Variants in IL17RD observed in about 807,000 individuals in gnomAD.
IL17RD encodes interleukin 17 receptor D.
IL17RD carries 52 observed loss-of-function variants against 80.5 expected under a neutral mutation model. The ratio of observed to expected loss-of-function variants is 0.65; its 90% CI spans 0.52 to 0.81. IL17RD has a LOEUF of 0.81. Among genes scored for constraint, IL17RD ranks in the 40% least tolerant of loss-of-function variants. The probability of loss-of-function intolerance (pLI) is 0.00; values close to 1 mark genes in which losing one functional copy is unlikely to be tolerated. For synonymous variants in IL17RD, 416 were observed against 391.8 expected (o/e 1.06, Z -0.73); for missense variants, 1,024 against 955.1 (o/e 1.07, Z -0.95).
chr3:57,114,197 A>AC, intron 3 of IL17RD, among the ~76,000 whole-genome samples: 1 of 152,164 alleles, frequency 6.6e-6, no homozygotes, highest in African/African-American at 2.4e-5. Flanking sequence ...AAAAAAAAAA[A>AC]AATTCAATTT....
chr3:57,142,050 A>G (rs1393199046), intron 1 of IL17RD, among the ~76,000 whole-genome samples: 1 of 152,196 alleles, frequency 6.6e-6, no homozygotes, highest in Non-Finnish European at 1.5e-5. Flanking sequence ...AAAGGGACAC[A>G]CGGAGCCTTC....
At chr3:57,167,345 A>C (rs2060352939), upstream of IL17RD, among the ~76,000 whole-genome samples, 1 of 152,114 alleles carries the variant, frequency 6.6e-6, no homozygotes, top group African/African-American at 2.4e-5. Flanking sequence ...CTCAGGAAGC[A>C]CATCACTCCT....
intron 7 of IL17RD, among the ~76,000 whole-genome samples, chr3:57,105,573 G>C (rs376094614): frequency 9.4e-6 from 1 of 105,874 alleles, no homozygotes; most frequent in Non-Finnish European, 1.9e-5. Flanking sequence ...ATATATATTT[G>C]TTCATACATA....
chr3:57,105,552 A>AAAAAAAAAAAAAAATATATATATATATAT, intron 7 of IL17RD, among the ~76,000 whole-genome samples: 5 of 63,586 alleles, frequency 7.9e-5, no homozygotes, highest in Non-Finnish European at 1.4e-4. Context: ...AAAAAAAAAA[A>AAAAAAAAAAAAAAATATATATATATATAT]ATATATATAT....
intron 1 of IL17RD, among the ~76,000 whole-genome samples, chr3:57,126,516 A>G (rs1707462270): frequency 6.6e-6 from 1 of 152,240 alleles, no homozygotes; most frequent in African/African-American, 2.4e-5. Flanking sequence ...GCGGAGCAGG[A>G]TCCACAGGCA....
At chr3:57,100,328 A>T (rs1400203334) in intron 11 of IL17RD, among the ~76,000 whole-genome samples, 1 of 152,248 alleles carries the variant, frequency 6.6e-6, no homozygotes, top group African/African-American at 2.4e-5. Context: ...TCTGAAAAAC[A>T]TGCCAATGGG....
intron 9 of IL17RD, 64 bp downstream of exon 9, chr3:57,103,027 G>A (rs893361052): frequency 4.4e-6 from 5 of 1,128,928 alleles, no homozygotes; most frequent in Non-Finnish European, 6.5e-6. Context: ...ATGAAGTACA[G>A]AGAGTATCAC....
intron 1 of IL17RD, 62 bp downstream of exon 1, chr3:57,165,099 C>G: frequency 2.1e-6 from 3 of 1,444,852 alleles, no homozygotes; most frequent in Non-Finnish European, 2.7e-6. Flanking sequence ...CCCGCGAGCA[C>G]CTGTGCGCGC....
Position 57,148,240 on chromosome 3 carries a change from G to A in IL17RD, c.126+16921C>T, listed in dbSNP as rs145144891. ...CTCAGGAGGCTGAGGCAGGAGAATC[G>A]CTTGAACCCAGAAGGCAGAGGTTGC... On this transcript the variant is annotated intron_variant, in intron 1 of 12. Transcript: ENST00000296318. Among the ~76,000 whole-genome samples the A allele has an allele frequency of 8.3e-3, 1,256 of 151,098 alleles. 15 individuals are homozygous for A. Among genetic ancestry groups the A allele is most frequent in the African/African-American group, 0.028 (1,144 of 41,034 alleles).
chr3:57,167,284 A>G (rs944133755), upstream of IL17RD, among the ~76,000 whole-genome samples: 11 of 152,192 alleles, frequency 7.2e-5, no homozygotes, highest in East Asian at 2.1e-3. Flanking sequence ...AGACACCAGA[A>G]TAGCTAGGAT....
At position 57,091,533 on chromosome 3, in the gene IL17RD, T is replaced by G. The variant is rs1263893275; in HGVS notation, c.*4860A>C. On this transcript the variant is annotated 3_prime_UTR_variant, in exon 13 of 13. Coordinates refer to ENST00000296318, the MANE Select transcript of IL17RD (RefSeq NM_017563.5). ...ACATTGTTTGGGCAACTAAACTAAG[T>G]GTGAAGCTGAGAAACATTACAGCAG... is the stretch of plus-strand genomic sequence containing the variant. The G allele has an allele frequency of 6.6e-6, 1 of 152,584 alleles. No homozygotes were observed. The highest frequency in any genetic ancestry group is 1.5e-5 in the Non-Finnish European group (1 of 68,040). 9.5% of individuals were successfully genotyped at this position (152,584 alleles called of 1,614,324 possible). A position where few individuals can be genotyped will look rare whatever the true frequency, so the allele number is the denominator to read the frequency against.
intron 1 of IL17RD, among the ~76,000 whole-genome samples, chr3:57,123,528 T>C (rs1707384633): frequency 6.6e-6 from 1 of 152,210 alleles, no homozygotes; most frequent in Non-Finnish European, 1.5e-5. Flanking sequence ...CATCACACTG[T>C]GTGTTCCTGA....
At chr3:57,134,000 A>C (rs1205762108) in intron 1 of IL17RD, 1 of 294,946 alleles carries the variant, frequency 3.4e-6, no homozygotes, top group Non-Finnish European at 6.4e-6. Context: ...TGAAGTTAGC[A>C]TGAAACAGAA....
At chr3:57,131,500 G>C (rs1020119677) in intron 1 of IL17RD, among the ~76,000 whole-genome samples, 16 of 152,214 alleles carry the variant, frequency 1.1e-4, no homozygotes, top group Admixed American at 7.9e-4. Context: ...GAAGTACAAA[G>C]TTTGGCCTCA....
At chr3:57,100,120 T>C (rs1706792150) in intron 11 of IL17RD, among the ~76,000 whole-genome samples, 1 of 152,240 alleles carries the variant, frequency 6.6e-6, no homozygotes, top group Non-Finnish European at 1.5e-5. Context: ...AAGAGCGTTT[T>C]CCCCAGAGGC....
rs1553628627 is a variant in IL17RD, at chr3:57,154,283, T to TACACACACACACACAC, written c.126+10862_126+10877dup. Among the ~76,000 whole-genome samples, 11 of 112,904 alleles carry TACACACACACACACAC rather than the reference T, an allele frequency of 9.7e-5. No individual in the cohort carries two copies. The South Asian group carries it at 1.0e-3, about 11-fold the overall frequency. The allele number at this position is 112,904 out of a possible 152,430, so 74.1% of individuals were successfully genotyped here. A position where few individuals can be genotyped will look rare whatever the true frequency, so the allele number is the denominator to read the frequency against. Reference sequence around the variant, plus strand: ...AATTATATATATATATATATATATATACACACACACACACACACATACATA... The same window carrying TACACACACACACACAC: ...AATTATATATATATATATATATATATACACACACACACACACACACACACACACACACACATACATA... On this transcript the variant is annotated intron_variant, in intron 1 of 12. Transcript: ENST00000296318.
At chr3:57,116,282 C>CT (rs66563028) in intron 2 of IL17RD, among the ~76,000 whole-genome samples, 1,449 of 102,514 alleles carry the variant, frequency 0.014, 29 homozygotes, top group African/African-American at 0.048. Flanking sequence ...TTTTTCTTTT[C>CT]TTTTTTTTTT....
rs184284301 is a variant in IL17RD at position 57,105,996 on chromosome 3, C to T, written c.608G>A (p.Arg203Gln). The part of the protein sequence containing the change: ...NLACKPFWKP[R>Q]NLNISQHGSD... Reference sequence around the variant, plus strand: ...GCCATGCTGGCTGATGTTCAGGTTCCGAGGCTTCCAGACTGGAAGAAGGTA... The same window carrying T: ...GCCATGCTGGCTGATGTTCAGGTTCTGAGGCTTCCAGACTGGAAGAAGGTA... Residue 203 changes from arginine (R) to glutamine (Q), a missense_variant, in exon 7 of 13, where the codon CGG (arginine) becomes CAG (glutamine). Arg to Gln is a conservative substitution (Grantham distance 43). Coordinates refer to ENST00000296318, the MANE Select transcript of IL17RD (RefSeq NM_017563.5). 82 of 1,613,784 alleles carry T rather than the reference C, an allele frequency of 5.1e-5. No homozygotes were observed. Among genetic ancestry groups the T allele is most frequent in the Admixed American group, 6.7e-5 (4 of 59,994 alleles).
chr3:57,165,156 CT>C lies in IL17RD; in HGVS notation c.126+4del. 1 of 1,522,334 alleles carries C rather than the reference CT, an allele frequency of 6.6e-7. No homozygotes were observed. The highest frequency in any genetic ancestry group is 8.8e-7 in the Non-Finnish European group (1 of 1,137,092). The allele number at this position is 1,522,334 out of a possible 1,614,324, so 94.3% of individuals were successfully genotyped here. A position where few individuals can be genotyped will look rare whatever the true frequency, so the allele number is the denominator to read the frequency against. On this transcript the variant is annotated splice_donor_region_variant and intron_variant, in intron 1 of 12. Coordinates refer to ENST00000296318, the MANE Select transcript of IL17RD (RefSeq NM_017563.5). The stretch of plus-strand genomic sequence containing the variant: ...ACGGCAAGAAACCCGCCGCCCTCGC[CT>C]TACCCTCCAGCCACAGGTGTCGGCG...
Sources: allele counts gnomAD v4.1 joint callset (sites outside exome capture counted in the v4.1 genomes callset), GRCh38; gene constraint gnomAD v4.1.1; transcripts MANE v1.5; gene names NCBI Gene and HGNC (gene_info 2026-07-23, HGNC 2026-07-21).